The following UPF1 variants were observed in gnomAD, a reference collection of about 807,000 sequenced individuals.
The protein encoded by UPF1 is UPF1 RNA helicase and ATPase.
In UPF1, 9 loss-of-function variants were observed where a neutral mutation model predicts 129.2. That is an observed-to-expected ratio of 0.07 (90% confidence interval 0.04 to 0.12). The LOEUF (loss-of-function observed/expected upper bound fraction) is 0.12, where lower values mean the gene tolerates loss of function less well. UPF1 is among the 10% of genes least tolerant of loss of function. The pLI, the probability that UPF1 is intolerant of heterozygous loss-of-function variation, is 1.00. For missense variants in UPF1, 788 were observed against 1,525.3 expected (o/e 0.52, Z 8.05); for synonymous variants, 649 against 644.9 (o/e 1.01, Z -0.10).
At position 18,860,959 on chromosome 19, in the gene UPF1, T is replaced by C. The variant is rs1247977793; in HGVS notation, c.2434T>C (p.Ser812Pro). ...YLVQYMQFSG[S>P]LHTKLYQEVE... ...GGTGCAGTACATGCAGTTCAGCGGC[T>C]CCCTGCACACCAAGCTCTACCAGGT... The change falls in exon 17 of 24, where the codon TCC becomes CCC. Residue 812 changes from serine to proline, a missense_variant. Around this residue, in one of 6 missense-constraint regions of UPF1, gnomAD observed 140 missense variants for 385.9 expected, o/e 0.36. Transcript: ENST00000262803. 10 of 1,585,842 alleles carry C rather than the reference T, an allele frequency of 6.3e-6. No homozygotes were observed. The highest frequency in any genetic ancestry group is 8.6e-6 in the Non-Finnish European group (10 of 1,166,908).
In UPF1 at chr19:18,852,116, C is replaced by T. The variant is rs377250480; in HGVS notation, c.811-19C>T. On this transcript the variant is annotated intron_variant, in intron 5 of 23. Coordinates refer to ENST00000262803, the MANE Select transcript of UPF1 (RefSeq NM_002911.4). ...AGGGAAAAACAGGACGAGTGTGGCG[C>T]GGTGTTGTTGTCTTCTAGGAAAACC... is the stretch of plus-strand genomic sequence containing the variant. The T allele has an allele frequency of 2.5e-5, 40 of 1,590,262 alleles. No homozygotes were observed. Among genetic ancestry groups the T allele is most frequent in the Middle Eastern group, 1.8e-4 (1 of 5,564 alleles).
intron 20 of UPF1, 25 bp downstream of exon 20, chr19:18,864,276 G>T (rs779559618): frequency 1.3e-6 from 2 of 1,597,524 alleles, no homozygotes; most frequent in South Asian, 1.1e-5. Context: ...AGGGGACCTG[G>T]CCGACCCCTT....
intron 3 of UPF1, chr19:18,848,179 G>A (rs1039469252): frequency 4.1e-5 from 11 of 267,646 alleles, no homozygotes; most frequent in Non-Finnish European, 6.6e-5. Flanking sequence ...ATCCAGGGGC[G>A]CTGGTTCCTG....
At position 18,861,199 on chromosome 19, in the gene UPF1, A is replaced by G. The variant is rs10405364; in HGVS notation, c.2457+217A>G. Among the ~76,000 whole-genome samples, 15,917 of 152,284 alleles carry G rather than the reference A, an allele frequency of 0.1. 1,023 individuals are homozygous for G. The highest frequency in any genetic ancestry group is 0.18 in the African/African-American group (7,562 of 41,534). The stretch of plus-strand genomic sequence containing the variant: ...TCAGGACAGAGACTTTGAGAAATAC[A>G]TCACAGGGATCAGAAACATGGGCTG... On this transcript the variant is annotated intron_variant, in intron 17 of 23. Coordinates refer to ENST00000262803, the MANE Select transcript of UPF1 (RefSeq NM_002911.4).
intron 17 of UPF1, 85 bp downstream of exon 17, chr19:18,861,067 G>T (rs2055773758): frequency 6.8e-7 from 1 of 1,465,558 alleles, no homozygotes; most frequent in East Asian, 2.5e-5. Flanking sequence ...CCCAAGAGGG[G>T]CCCGTCCTGG....
At chr19:18,846,210 G>A in intron 2 of UPF1, 91 bp downstream of exon 2, 1 of 1,559,886 alleles carries the variant, frequency 6.4e-7, no homozygotes, top group Admixed American at 1.8e-5. Context: ...GGTACAGGGT[G>A]GCGCCCTTGT....
chr19:18,863,885 G>C, intron 19 of UPF1, among the ~76,000 whole-genome samples: 2 of 152,290 alleles, frequency 1.3e-5, no homozygotes, highest in South Asian at 4.1e-4. Context: ...CCTTGGACAC[G>C]GGCAGTTGGA....
intron 1 of UPF1, among the ~76,000 whole-genome samples, chr19:18,842,959 C>T (rs541573595): frequency 3.3e-5 from 5 of 151,302 alleles, no homozygotes; most frequent in East Asian, 2.0e-4. Context: ...TGCACTCCAG[C>T]GTAGGCAACG....
rs758257879 is a variant in UPF1 at position 18,832,171 on chromosome 19, C to G, written c.-39C>G. Reference sequence around the variant, plus strand: ...CTCAGCGCGGCGGCGGGCTCGAGTGCAGCGCGGAACCGGCCCGAGGGCCCT... The same window carrying G: ...CTCAGCGCGGCGGCGGGCTCGAGTGGAGCGCGGAACCGGCCCGAGGGCCCT... On this transcript the variant is annotated 5_prime_UTR_variant, in exon 1 of 24. Coordinates refer to ENST00000262803, the MANE Select transcript of UPF1 (RefSeq NM_002911.4). This position sits in a 1 kb window ranked among gnomAD's most constrained non-coding sequence, Gnocchi z 5.6. The G allele has an allele frequency of 1.5e-5, 22 of 1,495,762 alleles. 1 individual carries two copies. In the Admixed American group the frequency reaches 2.9e-4, roughly 20 times the overall value. 92.7% of individuals were successfully genotyped at this position (1,495,762 alleles called of 1,614,324 possible).
At position 18,854,872 on chromosome 19, in the gene UPF1, C is replaced by G; in HGVS notation, c.1266-7C>G. 6.2e-7 allele frequency: 1 copy of G among 1,614,088 alleles called. No homozygotes were observed. Among genetic ancestry groups the G allele is most frequent in the Non-Finnish European group, 8.5e-7 (1 of 1,179,970 alleles). The stretch of plus-strand genomic sequence containing the variant: ...TGCGTGTCGCCAACCCCAAACCCTC[C>G]TCACAGGATGCAGAGCGCATTGAAA... On this transcript the variant is annotated splice_region_variant and splice_polypyrimidine_tract_variant and intron_variant, in intron 9 of 23. Transcript: ENST00000262803.
At chr19:18,847,973 A>T in intron 3 of UPF1, 140 bp downstream of exon 3, 2 of 767,438 alleles carry the variant, frequency 2.6e-6, no homozygotes, top group Non-Finnish European at 4.3e-6. Flanking sequence ...GACTGGTTTA[A>T]CTTGAAACAG....
intron 1 of UPF1, among the ~76,000 whole-genome samples, chr19:18,841,898 C>T (rs1174418468): frequency 6.6e-6 from 1 of 152,172 alleles, no homozygotes; most frequent in African/African-American, 2.4e-5. Flanking sequence ...GGCCCTTTCT[C>T]TTTGGGAAGA....
In UPF1 at chr19:18,846,027, A is replaced by T; in HGVS notation, c.279A>T (p.Val93=). The T allele has an allele frequency of 3.1e-6, 5 of 1,614,180 alleles. No homozygotes were observed. The highest frequency in any genetic ancestry group is 3.4e-6 in the Non-Finnish European group (4 of 1,180,034). ...AGAACGGGGCTGTGGACGACAGTGT[A>T]GCCAAGACCAGCCAGTTGTTGGCTG... The part of the protein sequence containing the change: ...ILQNGAVDDS[V]AKTSQLLAEL... Residue 93 remains valine (V), a synonymous_variant, in exon 2 of 24, where the codon GTA becomes GTT. Coordinates refer to ENST00000262803, the MANE Select transcript of UPF1 (RefSeq NM_002911.4).
In UPF1 at chr19:18,864,187, C is replaced by A; in HGVS notation, c.2793C>A (p.Thr931=). The A allele has an allele frequency of 1.9e-6, 3 of 1,613,966 alleles. No individual in the cohort carries two copies. Among genetic ancestry groups the A allele is most frequent in the Non-Finnish European group, 2.5e-6 (3 of 1,179,862 alleles). Residue 931 remains threonine, a synonymous_variant, in exon 20 of 24, where the codon ACC becomes ACA. Coordinates refer to ENST00000262803, the MANE Select transcript of UPF1 (RefSeq NM_002911.4). ...NTINPGARFM[T]TAMYDAREAI... The stretch of plus-strand genomic sequence containing the variant: ...CTTCGCAGGGAGCCCGCTTCATGAC[C>A]ACAGCCATGTATGATGCCCGGGAGG...
At chr19:18,843,035 A>G (rs532734140) in intron 1 of UPF1, among the ~76,000 whole-genome samples, 35 of 151,710 alleles carry the variant, frequency 2.3e-4, no homozygotes, top group Non-Finnish European at 4.7e-4. Flanking sequence ...TATCTTGCCC[A>G]GGCTATTCTC....
chr19:18,843,884 T>A (rs972104237), intron 1 of UPF1, among the ~76,000 whole-genome samples: 1 of 152,124 alleles, frequency 6.6e-6, no homozygotes, highest in African/African-American at 2.4e-5. Context: ...TAGCTGGGAC[T>A]ACAAGTGTGC....
chr19:18,836,650 G>C (rs2055486239), intron 1 of UPF1, among the ~76,000 whole-genome samples: 1 of 151,704 alleles, frequency 6.6e-6, no homozygotes, highest in Admixed American at 6.6e-5. Context: ...ATGTATGTCA[G>C]TTTCTAAAAT....
chr19:18,854,749 C>T (rs1464139407), intron 9 of UPF1, 40 bp downstream of exon 9: 2 of 1,607,126 alleles, frequency 1.2e-6, no homozygotes, highest in African/African-American at 1.3e-5. Flanking sequence ...TCCCTGGTTG[C>T]CACCTGTGGC....
chr19:18,850,297 T>C lies in UPF1; in HGVS notation c.629+55T>C. 1.3e-6 allele frequency: 2 copies of C among 1,521,370 alleles called. No individual in the cohort carries two copies. Among genetic ancestry groups the C allele is most frequent in the Non-Finnish European group, 8.8e-7 (1 of 1,136,976 alleles). 94.2% of individuals were successfully genotyped at this position (1,521,370 alleles called of 1,614,324 possible). A position where few individuals can be genotyped will look rare whatever the true frequency, so the allele number is the denominator to read the frequency against. On this transcript the variant is annotated intron_variant, in intron 4 of 23. Coordinates refer to ENST00000262803, the MANE Select transcript of UPF1 (RefSeq NM_002911.4). The surrounding 1 kb of genome is among the most constrained non-coding windows in gnomAD (Gnocchi z 7.1). The stretch of plus-strand genomic sequence containing the variant: ...TGACCTTTAAGCTCCAGCCGTCTCC[T>C]CACAAGCCTTGGCCCAGCCCAGCCC...
Sources: allele counts gnomAD v4.1 joint callset (sites outside exome capture counted in the v4.1 genomes callset), GRCh38; gene constraint gnomAD v4.1.1; regional missense constraint gnomAD v4.1.1; non-coding constraint Gnocchi (gnomAD v3.1); transcripts MANE v1.5; gene names NCBI Gene and HGNC (gene_info 2026-07-23, HGNC 2026-07-21).